The following CFAP54 variants were observed in gnomAD, a reference collection of about 807,000 sequenced individuals.
CFAP54 encodes cilia and flagella associated protein 54.
Under a neutral mutation model 370.4 loss-of-function variants are expected in CFAP54, and 290 were observed. The ratio of observed to expected loss-of-function variants is 0.78; its 90% CI spans 0.71 to 0.86. The LOEUF (loss-of-function observed/expected upper bound fraction) is 0.86, where lower values mean the gene tolerates loss of function less well. Ranked by LOEUF, CFAP54 falls within the 40% of genes least tolerant of loss-of-function variation. The probability of loss-of-function intolerance (pLI) is 0.00; values close to 1 mark genes in which losing one functional copy is unlikely to be tolerated. For synonymous variants in CFAP54, 1,206 were observed against 1,236.5 expected, an observed-to-expected ratio of 0.98 and a Z score of 0.52; for missense variants, 3,399 against 3,528.7, an observed-to-expected ratio of 0.96 and a Z score of 0.93.
chr12:96,614,577 C>T (rs1297108061), intron 26 of CFAP54, among the ~76,000 whole-genome samples: 1 of 152,042 alleles, frequency 6.6e-6, no homozygotes, highest in Non-Finnish European at 1.5e-5. Flanking sequence ...TCAAATTGTC[C>T]CTGTTTGCAG....
rs139585468 is a variant in CFAP54 at position 96,644,252 on chromosome 12, A to T, written c.4391A>T (p.Tyr1464Phe). Residue 1464 changes from tyrosine (Y) to phenylalanine (F), a missense_variant, in exon 33 of 68, where the codon TAT (tyrosine) becomes TTT (phenylalanine). Tyr to Phe is a conservative substitution (Grantham distance 22). Transcript: ENST00000524981. Reference protein sequence around the residue: ...MDYLNPLILSYVKRKRFHRLS... With the variant: ...MDYLNPLILSFVKRKRFHRLS... ...TACTTGAATCCTCTAATATTAAGTT[A>T]TGTTAAAAGAAAGAGGTTCCATCGT... 2.0e-6 allele frequency: 3 copies of T among 1,535,948 alleles called. No homozygotes were observed. Among genetic ancestry groups the T allele is most frequent in the African/African-American group, 2.7e-5 (2 of 73,172 alleles).
At chr12:96,764,361 G>A in intron 59 of CFAP54, 112 bp downstream of exon 59, 3 of 716,094 alleles carry the variant, frequency 4.2e-6, no homozygotes, top group South Asian at 4.8e-5. Flanking sequence ...GATACCTCAT[G>A]CCTGTTATCC....
At position 96,642,701 on chromosome 12, in the gene CFAP54, A is replaced by C. The variant is rs75784954; in HGVS notation, c.4317-1477A>C. 9.5e-3 allele frequency among the ~76,000 whole-genome samples: 1,440 copies of C among 152,236 alleles called. 53 individuals are homozygous for C. In the East Asian group the frequency reaches 0.1, roughly 11 times the overall value. On this transcript the variant is annotated intron_variant, in intron 32 of 67. Transcript: ENST00000524981. The stretch of plus-strand genomic sequence containing the variant: ...GAAGGTAGTTTCAGGATTTCTAAAT[A>C]TTTTTTAATTCGGGTGTTTATCTGC...
intron 66 of CFAP54, among the ~76,000 whole-genome samples, chr12:96,847,722 G>A (rs1959400033): frequency 6.6e-6 from 1 of 152,230 alleles, no homozygotes; most frequent in African/African-American, 2.4e-5. Flanking sequence ...CCACTTAGAT[G>A]TGAGAAGGGA....
intron 49 of CFAP54, among the ~76,000 whole-genome samples, chr12:96,719,897 T>A (rs11108653): frequency 1.4e-4 from 21 of 152,202 alleles, no homozygotes; most frequent in Non-Finnish European, 2.9e-4. Context: ...GTGTGTTAGA[T>A]AAGCTTCCTT....
chr12:96,652,302 G>T (rs10507077), intron 36 of CFAP54, among the ~76,000 whole-genome samples: 3 of 151,986 alleles, frequency 2.0e-5, no homozygotes, highest in African/African-American at 4.8e-5. Context: ...TAACCTAAAC[G>T]CATTGAAAAT....
intron 32 of CFAP54, among the ~76,000 whole-genome samples, chr12:96,640,876 T>G (rs967583161): frequency 7.2e-5 from 11 of 152,138 alleles, no homozygotes; most frequent in African/African-American, 2.6e-4. Context: ...TAGCCATATG[T>G]AGAAAGCTGA....
At chr12:96,730,816 A>C (rs951216605) in intron 50 of CFAP54, among the ~76,000 whole-genome samples, 1 of 152,246 alleles carries the variant, frequency 6.6e-6, no homozygotes, top group African/African-American at 2.4e-5. Context: ...TCATCTCATC[A>C]GTATAAGCCT....
chr12:96,560,107 T>C (rs1393053820), intron 17 of CFAP54, among the ~76,000 whole-genome samples: 4 of 152,192 alleles, frequency 2.6e-5, no homozygotes, highest in Admixed American at 6.5e-5. Context: ...ATCTCAAACA[T>C]TTATCAGTTA....
At chr12:96,617,669 A>G (rs1431260003) in intron 26 of CFAP54, among the ~76,000 whole-genome samples, 1 of 152,154 alleles carries the variant, frequency 6.6e-6, no homozygotes, top group Non-Finnish European at 1.5e-5. Flanking sequence ...CCCAAAGTCT[A>G]TCTTCCAAGG....
intron 2 of CFAP54, among the ~76,000 whole-genome samples, chr12:96,501,379 C>G (rs1955025029): frequency 6.6e-6 from 1 of 152,252 alleles, no homozygotes; most frequent in Admixed American, 6.5e-5. Flanking sequence ...GTTTATTAAA[C>G]TCTTTCAACT....
intron 7 of CFAP54, 40 bp from the exon 8 acceptor site, chr12:96,522,048 C>T: frequency 1.3e-6 from 2 of 1,525,476 alleles, no homozygotes; most frequent in Non-Finnish European, 1.8e-6. Context: ...GGAAGTGCAT[C>T]TCATTGTTAT....
intron 26 of CFAP54, among the ~76,000 whole-genome samples, 166 bp downstream of exon 26, chr12:96,598,933 G>A (rs1956209030): frequency 6.6e-6 from 1 of 151,990 alleles, no homozygotes; most frequent in African/African-American, 2.4e-5. Context: ...GCAATCTGTT[G>A]TTGAACTTTT....
intron 63 of CFAP54, among the ~76,000 whole-genome samples, chr12:96,800,807 G>T (rs1420131582): frequency 2.6e-5 from 4 of 152,170 alleles, no homozygotes; most frequent in Non-Finnish European, 4.4e-5. Context: ...AACTCTATAA[G>T]ATAAACGCTT....
At chr12:96,807,478 T>A (rs1034055930) in intron 63 of CFAP54, among the ~76,000 whole-genome samples, 1 of 152,212 alleles carries the variant, frequency 6.6e-6, no homozygotes, top group Non-Finnish European at 1.5e-5. Context: ...TAAGGGATTC[T>A]AAACATAAGA....
At chr12:96,508,126 C>T (rs1249607630) in intron 4 of CFAP54, among the ~76,000 whole-genome samples, 46 of 112,184 alleles carry the variant, frequency 4.1e-4, no homozygotes, top group East Asian at 7.8e-4. Flanking sequence ...CAAACATAGT[C>T]TTTTTTTTTT....
chr12:96,721,308 T>C (rs1957750664), intron 50 of CFAP54, among the ~76,000 whole-genome samples: 1 of 152,250 alleles, frequency 6.6e-6, no homozygotes, highest in Non-Finnish European at 1.5e-5. Context: ...AGGTAGCTAA[T>C]TATTTAAATG....
At chr12:96,793,069 A>G (rs926898082) in intron 63 of CFAP54, among the ~76,000 whole-genome samples, 7 of 151,816 alleles carry the variant, frequency 4.6e-5, no homozygotes, top group Admixed American at 1.3e-4. Context: ...TTTAATTTCA[A>G]TAGGTTTTTG....
intron 19 of CFAP54, among the ~76,000 whole-genome samples, chr12:96,568,204 C>T (rs1955880816): frequency 1.4e-5 from 2 of 144,990 alleles, no homozygotes; most frequent in African/African-American, 5.1e-5. Flanking sequence ...TTTCAGAGAT[C>T]TTCTCAGCTC....
Sources: gnomAD v4.1 joint callset for allele counts (sites outside exome capture counted in the v4.1 genomes callset) on GRCh38, gnomAD v4.1.1 for gene constraint, MANE v1.5 for transcripts, NCBI Gene and HGNC (gene_info 2026-07-23, HGNC 2026-07-21) for gene names.